Variants in GALNT13 observed in about 807,000 individuals in gnomAD.
GALNT13 encodes UDP-GalNAc:polypeptide N-acetylgalactosaminyltransferase 13.
Under a neutral mutation model 64.2 loss-of-function variants are expected in GALNT13, and 28 were observed. The ratio of observed to expected loss-of-function variants is 0.44; its 90% CI spans 0.32 to 0.60. The LOEUF (loss-of-function observed/expected upper bound fraction) is 0.60, where lower values mean the gene tolerates loss of function less well. GALNT13 is among the 20% of genes least tolerant of loss of function. GALNT13 has a pLI of 0.05. For synonymous variants in GALNT13, 214 were observed against 224.6 expected (o/e 0.95, Z 0.42); for missense variants, 577 against 669.8 (o/e 0.86, Z 1.53).
chr2:153,534,772 C>T, the GALNT13 span, among the ~76,000 whole-genome samples: 2 of 151,838 alleles, frequency 1.3e-5, no homozygotes, highest in Admixed American at 6.6e-5. Context: ...AAGGTAATGT[C>T]GTTACTTAAG....
chr2:154,212,335 C>T (rs1037046936), intron 4 of GALNT13, among the ~76,000 whole-genome samples: 3 of 151,986 alleles, frequency 2.0e-5, no homozygotes, highest in African/African-American at 7.3e-5. Flanking sequence ...ACCTCTGCCT[C>T]CTGGGTTAAA....
At chr2:153,181,919 GCAAT>G in the GALNT13 span, among the ~76,000 whole-genome samples, 1 of 147,346 alleles carries the variant, frequency 6.8e-6, no homozygotes, top group Admixed American at 6.8e-5. Flanking sequence ...ATTATATAAA[GCAAT>G]CAAAACAATA....
intron 4 of GALNT13, among the ~76,000 whole-genome samples, chr2:154,142,404 C>A (rs1199193111): frequency 6.6e-5 from 10 of 151,686 alleles, no homozygotes; most frequent in African/African-American, 2.2e-4. Flanking sequence ...ACAAAATTAG[C>A]CAGGCGTGGT....
the GALNT13 span, among the ~76,000 whole-genome samples, chr2:153,148,397 G>C: frequency 6.6e-6 from 1 of 151,488 alleles, no homozygotes; most frequent in Non-Finnish European, 1.5e-5. Flanking sequence ...GAATGATTGT[G>C]TTCCTGGTTC....
intron 9 of GALNT13, among the ~76,000 whole-genome samples, chr2:154,375,960 A>G (rs1254920139): frequency 6.6e-6 from 1 of 152,232 alleles, no homozygotes; most frequent in Non-Finnish European, 1.5e-5. Context: ...CTTTTAAAAT[A>G]CATTTTGTTG....
chr2:153,343,831 T>C, the GALNT13 span, among the ~76,000 whole-genome samples: 2 of 152,172 alleles, frequency 1.3e-5, no homozygotes, highest in Admixed American at 1.3e-4. Context: ...TAAGAAATCA[T>C]GTCTCATTCC....
chr2:154,126,012 G>A (rs1042012223), intron 3 of GALNT13, among the ~76,000 whole-genome samples: 2 of 152,128 alleles, frequency 1.3e-5, no homozygotes, highest in Admixed American at 6.5e-5. Context: ...CCATTCAGGA[G>A]GGAGCACATG....
the GALNT13 span, among the ~76,000 whole-genome samples, chr2:153,157,999 A>G: frequency 1.3e-5 from 2 of 151,522 alleles, no homozygotes; most frequent in Admixed American, 6.6e-5. Context: ...AAGTATTGAG[A>G]AAAAAAAATA....
chr2:153,837,775 A>G, the GALNT13 span, among the ~76,000 whole-genome samples: 3 of 152,072 alleles, frequency 2.0e-5, no homozygotes, highest in African/African-American at 4.8e-5. Context: ...CTTTCTTTGC[A>G]TATATTCCCA....
At chr2:153,118,114 C>CACACACAT in the GALNT13 span, among the ~76,000 whole-genome samples, 9 of 146,240 alleles carry the variant, frequency 6.2e-5, no homozygotes, top group South Asian at 2.2e-4. Flanking sequence ...TACCAACACA[C>CACACACAT]ACACACACAC....
At chr2:153,668,112 G>T in the GALNT13 span, among the ~76,000 whole-genome samples, 1 of 152,038 alleles carries the variant, frequency 6.6e-6, no homozygotes, top group Non-Finnish European at 1.5e-5. Flanking sequence ...GATTCATTAA[G>T]CAAGTTCTTA....
the GALNT13 span, among the ~76,000 whole-genome samples, chr2:153,482,638 T>A: frequency 6.6e-6 from 1 of 152,144 alleles, no homozygotes; most frequent in Non-Finnish European, 1.5e-5. Flanking sequence ...CCTGACTAAT[T>A]TTTTATATTT....
At chr2:153,673,627 T>C in the GALNT13 span, among the ~76,000 whole-genome samples, 2 of 152,174 alleles carry the variant, frequency 1.3e-5, no homozygotes, top group Non-Finnish European at 2.9e-5. Flanking sequence ...GCTGGAAGCA[T>C]TCCCTTTGAA....
the GALNT13 span, among the ~76,000 whole-genome samples, chr2:153,538,043 G>A: frequency 6.6e-6 from 1 of 152,178 alleles, no homozygotes; most frequent in African/African-American, 2.4e-5. Flanking sequence ...CAGTTTGGGG[G>A]ACTCAGAAGA....
rs144651859 is a variant in GALNT13, at chr2:153,901,007, A to G, written c.-105A>G. The G allele has an allele frequency of 9.5e-4, 144 of 152,320 alleles. No individual in the cohort carries two copies. Among genetic ancestry groups the G allele is most frequent in the African/African-American group, 3.3e-3 (136 of 41,576 alleles). 9.4% of individuals were successfully genotyped at this position (152,320 alleles called of 1,614,324 possible). A position where few individuals can be genotyped will look rare whatever the true frequency, so the allele number is the denominator to read the frequency against. On this transcript the variant is annotated splice_region_variant and 5_prime_UTR_variant, in exon 2 of 13. It removes an upstream start codon present in the reference 5' UTR. Coordinates refer to ENST00000392825, the MANE Select transcript of GALNT13 (RefSeq NM_052917.4). ...TTTGAAATTGCCAAGTGCCACATAC[A>G]GTAAGTAATATTTTTATTTTTCTAC...
intron 9 of GALNT13, among the ~76,000 whole-genome samples, chr2:154,393,267 A>C (rs988208850): frequency 6.6e-6 from 1 of 152,178 alleles, no homozygotes; most frequent in African/African-American, 2.4e-5. Context: ...AGCACAAGAA[A>C]AGTCTCTCCA....
At chr2:153,310,632 T>A in the GALNT13 span, among the ~76,000 whole-genome samples, 1 of 152,212 alleles carries the variant, frequency 6.6e-6, no homozygotes, top group African/African-American at 2.4e-5. Context: ...TATAATACAT[T>A]AACATACAAA....
chr2:153,387,451 T>C, the GALNT13 span, among the ~76,000 whole-genome samples: 5 of 152,224 alleles, frequency 3.3e-5, no homozygotes, highest in South Asian at 6.2e-4. Context: ...CTTCTAGTGA[T>C]TGCATTTGTG....
At chr2:153,657,078 G>A in the GALNT13 span, among the ~76,000 whole-genome samples, 4 of 152,168 alleles carry the variant, frequency 2.6e-5, no homozygotes, top group Non-Finnish European at 5.9e-5. Context: ...GGGCATAGCA[G>A]TGAGCATCAG....
Sources: gnomAD v4.1 joint callset for allele counts (sites outside exome capture counted in the v4.1 genomes callset) on GRCh38, gnomAD v4.1.1 for gene constraint, MANE v1.5 for transcripts, NCBI Gene and HGNC (gene_info 2026-07-23, HGNC 2026-07-21) for gene names.